Variants in FGD6 observed in about 807,000 individuals in gnomAD.
The protein encoded by FGD6 is FYVE, RhoGEF and PH domain-containing protein 6.
A neutral mutation model predicts 149.4 loss-of-function variants in FGD6; 90 were observed. That is an observed-to-expected ratio of 0.60 (90% CI 0.51 to 0.72). FGD6 has a LOEUF of 0.72. Ranked by LOEUF, FGD6 falls within the 30% of genes least tolerant of loss-of-function variation. The pLI is 0.00. For missense variants in FGD6, 1,437 were observed against 1,684.8 expected (o/e 0.85, Z 2.57); for synonymous variants, 527 against 584.0 (o/e 0.90, Z 1.41).
chr12:95,101,831 C>T (rs1878447920), intron 14 of FGD6, among the ~76,000 whole-genome samples: 1 of 151,646 alleles, frequency 6.6e-6, no homozygotes, highest in African/African-American at 2.4e-5. Flanking sequence ...TACAGATAAG[C>T]GCCACCACAC....
At chr12:95,159,424 C>T (rs757390600) in intron 3 of FGD6, among the ~76,000 whole-genome samples, 39 of 152,150 alleles carry the variant, frequency 2.6e-4, no homozygotes, top group Non-Finnish European at 5.0e-4. Context: ...ATAAATGGAA[C>T]TTCATAAATT....
At chr12:95,119,125 A>AATG (rs1233242290) in intron 8 of FGD6, among the ~76,000 whole-genome samples, 1 of 148,504 alleles carries the variant, frequency 6.7e-6, no homozygotes, top group Non-Finnish European at 1.5e-5. Context: ...TAATAATAAT[A>AATG]AAGATAGAAA....
chr12:95,119,342 A>C (rs2136247492), intron 8 of FGD6, among the ~76,000 whole-genome samples: 1 of 152,364 alleles, frequency 6.6e-6, no homozygotes, highest in South Asian at 2.1e-4. Context: ...TTAAATAATG[A>C]GGAAAACTTA....
At chr12:95,138,913 C>T (rs1879761321) in intron 6 of FGD6, among the ~76,000 whole-genome samples, 1 of 152,204 alleles carries the variant, frequency 6.6e-6, no homozygotes, top group Non-Finnish European at 1.5e-5. Flanking sequence ...GGTCCTTCCC[C>T]TACTAAATGT....
chr12:95,136,560 T>C (rs1192355025), intron 7 of FGD6, among the ~76,000 whole-genome samples: 1 of 152,178 alleles, frequency 6.6e-6, no homozygotes. Context: ...CAGCTCTGAG[T>C]TAAAAGTCAA....
At chr12:95,123,628 C>G (rs563178824) in intron 8 of FGD6, among the ~76,000 whole-genome samples, 1 of 151,208 alleles carries the variant, frequency 6.6e-6, no homozygotes, top group East Asian at 2.0e-4. Flanking sequence ...GTGGCGCTAT[C>G]TCTGCTTACT....
In FGD6 at chr12:95,082,984, TAAAAAAAAAAAAAA is replaced by T. The variant is rs1173446654; in HGVS notation, c.4257-1442_4257-1429del. Among the ~76,000 whole-genome samples, 13 of 31,130 alleles carry T rather than the reference TAAAAAAAAAAAAAA, an allele frequency of 4.2e-4. 3 individuals carry two copies. The Admixed American group carries it at 4.5e-3, about 11-fold the overall frequency. The allele number at this position is 31,130 out of a possible 152,430, so 20.4% of individuals were successfully genotyped here. A position where few individuals can be genotyped will look rare whatever the true frequency, so the allele number is the denominator to read the frequency against. The stretch of plus-strand genomic sequence containing the variant: ...CAACATTGCTAGACTCTGTCTCCAT[TAAAAAAAAAAAAAA>T]AAAAAAAAAAAAAAATATATATATA... On this transcript the variant is annotated intron_variant, in intron 20 of 20. Coordinates refer to ENST00000343958, the MANE Select transcript of FGD6 (RefSeq NM_018351.4).
Position 95,114,375 on chromosome 12 carries a change from G to A in FGD6, c.3083-674C>T, listed in dbSNP as rs565916497. On this transcript the variant is annotated intron_variant, in intron 8 of 20. Transcript: ENST00000343958. ...AATCCTAGCACTTTGGGAGGCCAAA[G>A]GGGGTGGATCACTTGAAGTCAGGAG... Among the ~76,000 whole-genome samples, 304 of 151,728 alleles carry A rather than the reference G, an allele frequency of 2.0e-3. 2 individuals are homozygous for A. Among genetic ancestry groups the A allele is most frequent in the Admixed American group, 3.6e-3 (55 of 15,182 alleles).
At chr12:95,107,954 C>T (rs1202384651) in intron 11 of FGD6, among the ~76,000 whole-genome samples, 1 of 152,140 alleles carries the variant, frequency 6.6e-6, no homozygotes, top group Non-Finnish European at 1.5e-5. Flanking sequence ...AATTAATTCC[C>T]TAGGCCACTT....
At chr12:95,126,071 G>GTC in intron 8 of FGD6, 1 of 1,183,430 alleles carries the variant, frequency 8.5e-7, no homozygotes, top group African/African-American at 1.5e-5. Flanking sequence ...AAGCCAAGAT[G>GTC]ACAGATTCTG....
intron 7 of FGD6, 90 bp downstream of exon 7, chr12:95,137,432 C>CA: frequency 8.5e-7 from 1 of 1,181,428 alleles, no homozygotes; most frequent in Non-Finnish European, 1.1e-6. Context: ...TCTTTGTTTG[C>CA]AAGCTTTGTT....
At chr12:95,211,359 A>C in intron 1 of FGD6, 92 bp from the exon 2 acceptor site, 1 of 1,433,936 alleles carries the variant, frequency 7.0e-7, no homozygotes. Context: ...ATTTTTAACA[A>C]TATGACCTTG....
chr12:95,210,723 T>C lies in FGD6; in HGVS notation c.561A>G (p.Leu187=). ...AAATAAAAGGTGGCATTTGGTGTAT[T>C]AAGGCATCTTTGAGCTCCTCTTCTA... ...SVLEEELKDA[L]IHQMPPFISA... The change falls in exon 2 of 21, where the codon TTA becomes TTG. Residue 187 remains leucine (L), a synonymous_variant. Transcript: ENST00000343958. The C allele has an allele frequency of 6.2e-7, 1 of 1,614,014 alleles. No individual in the cohort carries two copies. Among genetic ancestry groups the C allele is most frequent in the East Asian group, 2.2e-5 (1 of 44,886 alleles).
rs1478928065 is a variant in FGD6, at chr12:95,137,697, T to A, written c.2838-19A>T. On this transcript the variant is annotated intron_variant, in intron 6 of 20. Transcript: ENST00000343958. ...TTCAGTCCTATGGATAGAGAAGAGA[T>A]ACACAAAAAAATATAAAGAGAGATT... The A allele has an allele frequency of 1.3e-6, 2 of 1,528,744 alleles. No individual in the cohort carries two copies. Among genetic ancestry groups the A allele is most frequent in the Admixed American group, 4.3e-5 (2 of 46,896 alleles). The allele number at this position is 1,528,744 out of a possible 1,614,324, so 94.7% of individuals were successfully genotyped here. A position where few individuals can be genotyped will look rare whatever the true frequency, so the allele number is the denominator to read the frequency against.
At chr12:95,112,261 A>G (rs552950331) in intron 9 of FGD6, among the ~76,000 whole-genome samples, 1 of 149,162 alleles carries the variant, frequency 6.7e-6, no homozygotes, top group South Asian at 2.1e-4. Flanking sequence ...AAATGTGATC[A>G]AAATTCATAA....
At chr12:95,136,056 T>C (rs1324949558) in intron 7 of FGD6, among the ~76,000 whole-genome samples, 2 of 152,174 alleles carry the variant, frequency 1.3e-5, no homozygotes, top group Admixed American at 6.6e-5. Context: ...AATACCATAC[T>C]ATTTTAAAAA....
intron 2 of FGD6, among the ~76,000 whole-genome samples, chr12:95,178,834 G>GA (rs61397683): frequency 0.094 from 14,309 of 152,024 alleles, 902 homozygotes; most frequent in African/African-American, 0.18. Context: ...CTTAAAGATA[G>GA]AAAAAATGAA....
At chr12:95,120,347 A>AT (rs869204268) in intron 8 of FGD6, among the ~76,000 whole-genome samples, 9 of 150,484 alleles carry the variant, frequency 6.0e-5, no homozygotes, top group East Asian at 1.9e-4. Flanking sequence ...TTTATTTTTT[A>AT]TTTTTTTTGC....
chr12:95,097,392 T>C (rs989455041), intron 14 of FGD6, among the ~76,000 whole-genome samples: 2 of 152,016 alleles, frequency 1.3e-5, no homozygotes, highest in Non-Finnish European at 2.9e-5. Context: ...TCCCAGCACT[T>C]TGGGAGGCCG....
Sources: allele counts gnomAD v4.1 joint callset (sites outside exome capture counted in the v4.1 genomes callset), GRCh38; gene constraint gnomAD v4.1.1; transcripts MANE v1.5; gene names NCBI Gene and HGNC (gene_info 2026-07-23, HGNC 2026-07-21).